Variants in CDKL2 observed in about 807,000 individuals in gnomAD.
CDKL2 encodes the protein cyclin dependent kinase like 2.
A neutral mutation model predicts 63.9 loss-of-function variants in CDKL2; 64 were observed. The observed-to-expected ratio is 1.00, with a 90% CI of 0.82 to 1.23. CDKL2 has a LOEUF of 1.23. Ranked by LOEUF, CDKL2 falls within the 50% of genes most tolerant of loss-of-function variation. The pLI is 0.00. For synonymous variants in CDKL2, 211 were observed against 229.2 expected (o/e 0.92, Z 0.72); for missense variants, 656 against 668.0 (o/e 0.98, Z 0.20).
At chr4:75,619,662 C>T (rs1730077037) in intron 2 of CDKL2, among the ~76,000 whole-genome samples, 2 of 149,574 alleles carry the variant, frequency 1.3e-5, no homozygotes, top group Admixed American at 6.7e-5. Context: ...AATGTCTTTC[C>T]ATGCCCTCTA....
At chr4:75,627,777 G>A (rs1730501318) in intron 1 of CDKL2, among the ~76,000 whole-genome samples, 1 of 121,726 alleles carries the variant, frequency 8.2e-6, no homozygotes, top group African/African-American at 3.2e-5. Flanking sequence ...GCACTGGCGC[G>A]ATCTCGGCTC....
chr4:75,614,603 C>T (rs1729848056), intron 2 of CDKL2, among the ~76,000 whole-genome samples, 154 bp from the exon 3 acceptor site: 1 of 151,956 alleles, frequency 6.6e-6, no homozygotes, highest in African/African-American at 2.4e-5. Context: ...ATTGTAAAAG[C>T]ATATTCTGGT....
chr4:75,597,688 C>A (rs1026880944), intron 8 of CDKL2, among the ~76,000 whole-genome samples: 1 of 152,172 alleles, frequency 6.6e-6, no homozygotes, highest in Non-Finnish European at 1.5e-5. Context: ...AGTTAAGTAT[C>A]CAAATCTCAC....
intron 3 of CDKL2, among the ~76,000 whole-genome samples, chr4:75,611,898 C>A (rs1215963984): frequency 3.3e-5 from 5 of 151,586 alleles, no homozygotes; most frequent in South Asian, 2.1e-4. Context: ...AGGTGATCCA[C>A]CCGCCTCGGC....
intron 7 of CDKL2, among the ~76,000 whole-genome samples, chr4:75,598,691 T>A (rs1729048798): frequency 6.6e-6 from 1 of 152,126 alleles, no homozygotes; most frequent in African/African-American, 2.4e-5. Context: ...ATCCTTTTTT[T>A]ATGGTCTGTG....
chr4:75,627,317 G>A (rs1223132127), intron 1 of CDKL2, among the ~76,000 whole-genome samples: 2 of 152,078 alleles, frequency 1.3e-5, no homozygotes, highest in Non-Finnish European at 2.9e-5. Context: ...CTGTTGCCCA[G>A]GCTGGAGTGC....
chr4:75,606,569 T>C (rs887752754), intron 4 of CDKL2, among the ~76,000 whole-genome samples: 2 of 152,180 alleles, frequency 1.3e-5, no homozygotes, highest in Non-Finnish European at 2.9e-5. Flanking sequence ...TCAAAGAATA[T>C]GCAAGCATCA....
At chr4:75,589,072 A>G (rs1399175506) in intron 12 of CDKL2, among the ~76,000 whole-genome samples, 1 of 152,226 alleles carries the variant, frequency 6.6e-6, no homozygotes, top group East Asian at 1.9e-4. Context: ...AAGAAGATAT[A>G]CAGCTCTCTC....
In CDKL2 at chr4:75,597,095, T is replaced by C. The variant is rs1428717046; in HGVS notation, c.1162A>G (p.Ile388Val). Residue 388 changes from isoleucine (I) to valine (V), a missense_variant, in exon 9 of 14, where the codon ATA becomes GTA. Ile to Val is a conservative substitution (Grantham distance 29). Coordinates refer to ENST00000307465, the MANE Select transcript of CDKL2 (RefSeq NM_001330724.2). Reference sequence around the variant, plus strand: ...TCTTTGAGGCTTGTTGAAGGCACTATTTTGTTGTGGCTTGTCCTACTGTCA... The same window carrying C: ...TCTTTGAGGCTTGTTGAAGGCACTACTTTGTTGTGGCTTGTCCTACTGTCA... ...LHDSRTSHNK[I>V]VPSTSLKDCS... 1.2e-6 allele frequency: 2 copies of C among 1,614,098 alleles called. No individual in the cohort carries two copies. The highest frequency in any genetic ancestry group is 1.7e-6 in the Non-Finnish European group (2 of 1,180,048).
chr4:75,607,313 C>T lies in CDKL2; in HGVS notation c.412G>A (p.Gly138Ser), dbSNP rs775838535. Residue 138 changes from glycine (G) to serine (S), a missense_variant, in exon 4 of 14, where the codon GGC becomes AGC. Physicochemically the swap from Gly to Ser is moderately conservative, Grantham distance 56. Coordinates refer to ENST00000307465, the MANE Select transcript of CDKL2 (RefSeq NM_001330724.2). ...KPENILVSQS[G>S]VVKLCDFGFA... The stretch of plus-strand genomic sequence containing the variant: ...CCAAAATCGCATAGCTTGACAACGC[C>T]AGACTGGGAGACTAATATATTCTCT... 12 of 1,613,950 alleles carry T rather than the reference C, an allele frequency of 7.4e-6. No homozygotes were observed. The Admixed American group carries it at 1.8e-4, about 25-fold the overall frequency.
intron 10 of CDKL2, 189 bp downstream of exon 10, chr4:75,596,058 C>A: frequency 2.6e-6 from 1 of 387,662 alleles, no homozygotes; most frequent in Non-Finnish European, 4.5e-6. Context: ...TTTTTAGACT[C>A]ATAAAACTTA....
Position 75,586,247 on chromosome 4 carries a change from A to T in CDKL2, c.1648-4349T>A, listed in dbSNP as rs187373312. Among the ~76,000 whole-genome samples the T allele has an allele frequency of 1.5e-3, 223 of 146,728 alleles. 2 individuals carry two copies. Among genetic ancestry groups the T allele is most frequent in the Non-Finnish European group, 2.9e-3 (195 of 66,982 alleles). ...CCTTTCTTTTTTTTTTTTTTTTAAG[A>T]TGGAGTCTTGATCTGTCACCCAGGC... On this transcript the variant is annotated intron_variant, in intron 12 of 13. Transcript: ENST00000307465.
At chr4:75,603,765 T>C in intron 6 of CDKL2, 52 bp downstream of exon 6, 4 of 1,332,168 alleles carry the variant, frequency 3.0e-6, no homozygotes, top group Non-Finnish European at 4.1e-6. Flanking sequence ...AAAAAAGGTC[T>C]TGATAGTGCA....
Position 75,626,666 on chromosome 4 carries a change from C to CAA in CDKL2, c.-29-651_-29-650dup, listed in dbSNP as rs1168960614. Among the ~76,000 whole-genome samples, 11 of 39,186 alleles carry CAA rather than the reference C, an allele frequency of 2.8e-4. 1 individual carries two copies. Among genetic ancestry groups the CAA allele is most frequent in the African/African-American group, 6.8e-4 (8 of 11,746 alleles). The allele number at this position is 39,186 out of a possible 152,430, so 25.7% of individuals were successfully genotyped here. ...TGGGCAACAGAGTGAGACTCCATCT[C>CAA]AAAAAAAAAAAAAAAAGCACAATTC... On this transcript the variant is annotated intron_variant, in intron 1 of 13. Coordinates refer to ENST00000307465, the MANE Select transcript of CDKL2 (RefSeq NM_001330724.2).
At chr4:75,595,205 T>TC (rs1197886448) in intron 10 of CDKL2, among the ~76,000 whole-genome samples, 1 of 84,836 alleles carries the variant, frequency 1.2e-5, no homozygotes, top group Non-Finnish European at 3.0e-5. Context: ...TCTTTCTTCT[T>TC]TTTTTTTTTT....
chr4:75,629,306 G>A (rs1730572574), intron 1 of CDKL2, among the ~76,000 whole-genome samples: 1 of 152,234 alleles, frequency 6.6e-6, no homozygotes, highest in African/African-American at 2.4e-5. Context: ...TGTCTGAGGT[G>A]TTCTGAAGCA....
intron 12 of CDKL2, among the ~76,000 whole-genome samples, chr4:75,585,894 T>A (rs990103541): frequency 1.3e-5 from 2 of 152,156 alleles, no homozygotes; most frequent in African/African-American, 4.8e-5. Context: ...AGAGCATAGA[T>A]GACCTGAAGA....
At chr4:75,594,607 GA>G (rs535673039) in intron 10 of CDKL2, among the ~76,000 whole-genome samples, 17 of 150,312 alleles carry the variant, frequency 1.1e-4, no homozygotes, top group South Asian at 4.2e-4. Context: ...AAATGCAATG[GA>G]AAAAAAAATA....
intron 3 of CDKL2, among the ~76,000 whole-genome samples, chr4:75,608,996 GA>G (rs5859470): frequency 0.33 from 39,993 of 120,708 alleles, 6,789 homozygotes; most frequent in East Asian, 0.77. Context: ...TCCATCTCAA[GA>G]AAAAAAAAAA....
Sources: gnomAD v4.1 joint callset for allele counts (sites outside exome capture counted in the v4.1 genomes callset) on GRCh38, gnomAD v4.1.1 for gene constraint, MANE v1.5 for transcripts, NCBI Gene and HGNC (gene_info 2026-07-23, HGNC 2026-07-21) for gene names.